The following PGM5 variants were observed in gnomAD, a reference collection of about 807,000 sequenced individuals.
PGM5 encodes phosphoglucomutase 5.
PGM5 carries 23 observed loss-of-function variants against 59.2 expected under a neutral mutation model. The observed-to-expected ratio is 0.39, with a 90% CI of 0.28 to 0.55. The LOEUF (loss-of-function observed/expected upper bound fraction) is 0.55. Among genes scored for constraint, PGM5 ranks in the 20% least tolerant of loss-of-function variants. PGM5 has a pLI of 0.66. For missense variants in PGM5, 574 were observed against 748.3 expected (o/e 0.77, Z 2.72); for synonymous variants, 214 against 286.0 (o/e 0.75, Z 2.54).
chr9:68,517,928 C>G (rs1824846435), intron 10 of PGM5, among the ~76,000 whole-genome samples: 1 of 152,176 alleles, frequency 6.6e-6, no homozygotes. Flanking sequence ...TCTTTCTGTC[C>G]TAGGGAATTT....
chr9:68,517,756 T>C (rs1368579390), intron 10 of PGM5, among the ~76,000 whole-genome samples: 2 of 152,248 alleles, frequency 1.3e-5, no homozygotes, highest in African/African-American at 4.8e-5. Context: ...GACTTCTAAC[T>C]TTTAGTAGTG....
Position 68,384,435 on chromosome 9 carries a change from A to T in PGM5, c.462A>T (p.Gln154His), listed in dbSNP as rs782344071. 1 of 1,606,932 alleles carries T rather than the reference A, an allele frequency of 6.2e-7. No individual in the cohort carries two copies. Among genetic ancestry groups the T allele is most frequent in the Non-Finnish European group, 8.5e-7 (1 of 1,174,200 alleles). The change falls in exon 3 of 11, where the codon CAA becomes CAT. Residue 154 changes from glutamine (Q) to histidine (H), a missense_variant. By Grantham distance (24) the Gln-to-His change is conservative. This residue lies in a region of PGM5 where 103 missense variants were observed against 112.4 expected (regional missense o/e 0.92). Transcript: ENST00000396396. ...ATGTTGTCTCAGACAAAATCTACCA[A>T]ATCAGCAAAACGATTGAGGAATATG... ...APDVVSDKIY[Q>H]ISKTIEEYAI...
intron 6 of PGM5, among the ~76,000 whole-genome samples, chr9:68,452,142 G>A (rs1274759448): frequency 1.3e-5 from 2 of 152,140 alleles, no homozygotes; most frequent in South Asian, 4.1e-4. Flanking sequence ...TAAAGGGACT[G>A]CTCACCAACC....
chr9:68,444,841 G>T (rs192048135), intron 6 of PGM5, among the ~76,000 whole-genome samples: 97 of 152,302 alleles, frequency 6.4e-4, no homozygotes, highest in Middle Eastern at 6.8e-3. Flanking sequence ...CAAAGAAGGG[G>T]TACAGGAAGG....
chr9:68,471,993 G>A (rs1275107741), intron 7 of PGM5, among the ~76,000 whole-genome samples: 1 of 151,994 alleles, frequency 6.6e-6, no homozygotes, highest in African/African-American at 2.4e-5. Context: ...AAATGAGTTG[G>A]GATGTATGAG....
At chr9:68,498,827 G>A (rs1386079826) in intron 9 of PGM5, 8 of 223,560 alleles carry the variant, frequency 3.6e-5, no homozygotes, top group Non-Finnish European at 7.2e-5. Context: ...CCGTCTTACT[G>A]TAATAGACAA....
chr9:68,446,859 T>C (rs1425126889), intron 6 of PGM5, among the ~76,000 whole-genome samples: 1 of 152,238 alleles, frequency 6.6e-6, no homozygotes, highest in Non-Finnish European at 1.5e-5. Flanking sequence ...ATCGTCTCTC[T>C]GGTAAAACAT....
Position 68,357,359 on chromosome 9 carries a change from A to T in PGM5, c.232A>T (p.Ile78Phe), listed in dbSNP as rs1324886610. Residue 78 changes from isoleucine (I) to phenylalanine (F), a missense_variant, in exon 1 of 11, where the codon ATC becomes TTC. Coordinates refer to ENST00000396396, the MANE Select transcript of PGM5 (RefSeq NM_021965.4). ...GTACTTTAGCAGGACGGCCATCGAG[A>T]TCGTGGTGCAGATGGCCGCGGCCAA... ...GRYFSRTAIE[I>F]VVQMAAANGI... 1.1e-5 allele frequency: 17 copies of T among 1,561,556 alleles called. No homozygotes were observed. In the African/African-American group the frequency reaches 2.0e-4, roughly 19 times the overall value.
At chr9:68,417,465 A>G (rs1554682072) in intron 6 of PGM5, among the ~76,000 whole-genome samples, 1 of 152,120 alleles carries the variant, frequency 6.6e-6, no homozygotes. Context: ...CATTAGTGGA[A>G]ATTTTTGATC....
chr9:68,484,578 A>ACACACAC (rs1491179842), intron 9 of PGM5, among the ~76,000 whole-genome samples: 1 of 143,498 alleles, frequency 7.0e-6, no homozygotes, highest in African/African-American at 2.8e-5. Flanking sequence ...ACACACACAC[A>ACACACAC]AAACAAAACA....
chr9:68,522,132 G>A lies in PGM5; in HGVS notation c.1615-7435G>A, dbSNP rs1473308049. 2.0e-5 allele frequency among the ~76,000 whole-genome samples: 3 copies of A among 152,304 alleles called. No individual in the cohort carries two copies. In the East Asian group the frequency reaches 5.8e-4, roughly 29 times the overall value. ...TAGGTGGGTGTGGTGGTGTGCACCT[G>A]TAATCCCAGCTACTCAGGAGGCTGG... On this transcript the variant is annotated intron_variant, in intron 10 of 10. Coordinates refer to ENST00000396396, the MANE Select transcript of PGM5 (RefSeq NM_021965.4).
chr9:68,484,851 T>C (rs1450830766), intron 9 of PGM5, among the ~76,000 whole-genome samples: 2 of 152,202 alleles, frequency 1.3e-5, no homozygotes, highest in Non-Finnish European at 2.9e-5. Flanking sequence ...AGCTGGCATC[T>C]TTGAGCCCCC....
At chr9:68,383,826 T>G (rs1467876932) in intron 2 of PGM5, among the ~76,000 whole-genome samples, 2 of 151,714 alleles carry the variant, frequency 1.3e-5, no homozygotes, top group Non-Finnish European at 2.9e-5. Flanking sequence ...CTAATACTAC[T>G]TGTCAATTTG....
chr9:68,483,730 G>C, intron 8 of PGM5, 135 bp from the exon 9 acceptor site: 1 of 695,028 alleles, frequency 1.4e-6, no homozygotes, highest in Non-Finnish European at 2.5e-6. Context: ...TCAGATGAAA[G>C]AGGGGAGATG....
intron 10 of PGM5, among the ~76,000 whole-genome samples, chr9:68,518,338 A>G (rs764065544): frequency 6.6e-6 from 1 of 152,230 alleles, no homozygotes; most frequent in Non-Finnish European, 1.5e-5. Context: ...TTATTTCTAT[A>G]AGCAATTTTT....
chr9:68,373,602 A>C (rs1702884803), intron 1 of PGM5, among the ~76,000 whole-genome samples: 1 of 152,170 alleles, frequency 6.6e-6, no homozygotes, highest in Non-Finnish European at 1.5e-5. Context: ...GTAATAGCAT[A>C]AAATAATTTT....
intron 10 of PGM5, among the ~76,000 whole-genome samples, chr9:68,525,112 TGA>T (rs144282417): frequency 0.025 from 3,787 of 152,178 alleles, 140 homozygotes; most frequent in African/African-American, 0.084. Flanking sequence ...GTCGATGACA[TGA>T]GAGAAGAGTT....
intron 1 of PGM5, among the ~76,000 whole-genome samples, chr9:68,358,529 A>G (rs1249670549): frequency 2.0e-5 from 3 of 152,216 alleles, no homozygotes; most frequent in African/African-American, 7.2e-5. Flanking sequence ...CACTCATAGA[A>G]CTTTTCTTTA....
At chr9:68,445,306 A>T (rs1470196085) in intron 6 of PGM5, among the ~76,000 whole-genome samples, 1 of 152,180 alleles carries the variant, frequency 6.6e-6, no homozygotes, top group Non-Finnish European at 1.5e-5. Context: ...CTGCATTTTT[A>T]AACAACGTTG....
Sources: gnomAD v4.1 joint callset for allele counts (sites outside exome capture counted in the v4.1 genomes callset) on GRCh38, gnomAD v4.1.1 for gene constraint, gnomAD v4.1.1 regional missense constraint, MANE v1.5 for transcripts, NCBI Gene and HGNC (gene_info 2026-07-23, HGNC 2026-07-21) for gene names.